Variants in UPF3A observed in about 807,000 individuals in gnomAD.
UPF3A encodes UPF3A regulator of nonsense mediated mRNA decay.
In UPF3A, 42 loss-of-function variants were observed where a neutral mutation model predicts 53.5. The ratio of observed to expected loss-of-function variants is 0.78; its 90% confidence interval spans 0.61 to 1.01. The LOEUF is 1.01. Ranked by LOEUF, UPF3A falls within the 50% of genes least tolerant of loss-of-function variation. The pLI is 0.00. For missense variants in UPF3A, 575 were observed against 598.0 expected (o/e 0.96, Z 0.40); for synonymous variants, 237 against 225.3 (o/e 1.05, Z -0.47).
chr13:114,282,260 TTTCAG>T, intron 2 of UPF3A, 133 bp downstream of exon 2: 1 of 851,260 alleles, frequency 1.2e-6, no homozygotes, highest in Non-Finnish European at 1.8e-6. Context: ...AATAAATACA[TTTCAG>T]TAAAACGTGT....
At chr13:114,294,277 G>GGGT (rs1043959014) in intron 7 of UPF3A, among the ~76,000 whole-genome samples, 3 of 150,782 alleles carry the variant, frequency 2.0e-5, no homozygotes, top group Non-Finnish European at 4.4e-5. Flanking sequence ...TTTTGGTGGG[G>GGGT]GGGGGGTTTG....
intron 3 of UPF3A, chr13:114,283,961 A>G: frequency 3.0e-6 from 3 of 985,438 alleles, no homozygotes; most frequent in South Asian, 4.7e-5. Context: ...AAAAATAAGC[A>G]TTAGCCAAGC....
chr13:114,290,972 T>C (rs1457632606), intron 5 of UPF3A, among the ~76,000 whole-genome samples: 1 of 152,016 alleles, frequency 6.6e-6, no homozygotes, highest in African/African-American at 2.4e-5. Flanking sequence ...CAATCTAAGG[T>C]GATCTGCCCG....
At chr13:114,302,878 G>T (rs889701732) in intron 9 of UPF3A, among the ~76,000 whole-genome samples, 1 of 152,122 alleles carries the variant, frequency 6.6e-6, no homozygotes, top group African/African-American at 2.4e-5. Flanking sequence ...GAGGCGGGTG[G>T]ATCACCTGAG....
At chr13:114,296,737 C>T (rs1319823176) in intron 7 of UPF3A, among the ~76,000 whole-genome samples, 1 of 152,154 alleles carries the variant, frequency 6.6e-6, no homozygotes, top group African/African-American at 2.4e-5. Flanking sequence ...CCCGTGGGTT[C>T]TGGTGCTAAC....
rs1403779574 is a variant in UPF3A, at chr13:114,301,853, G to C, written c.1130G>C (p.Arg377Pro). The stretch of plus-strand genomic sequence containing the variant: ...CACAGAGCTCACCACGAGCCTGAAC[G>C]GCTTTCCAGAAGGAGTGAGGATGAG... Reference protein sequence around the residue: ...RRHRAHHEPERLSRRSEDEQR... With the variant: ...RRHRAHHEPEPLSRRSEDEQR... Residue 377 changes from arginine (R) to proline (P), a missense_variant, in exon 9 of 10, where the codon CGG becomes CCG. Around this residue, in one of 2 missense-constraint regions of UPF3A, gnomAD observed 323 missense variants for 415.2 expected, o/e 0.78. Coordinates refer to ENST00000375299, the MANE Select transcript of UPF3A (RefSeq NM_023011.4). The C allele has an allele frequency of 6.8e-6, 11 of 1,613,188 alleles. No homozygotes were observed. The highest frequency in any genetic ancestry group is 9.3e-6 in the Non-Finnish European group (11 of 1,179,692).
At chr13:114,297,654 T>C (rs1336244101) in intron 7 of UPF3A, among the ~76,000 whole-genome samples, 1 of 151,722 alleles carries the variant, frequency 6.6e-6, no homozygotes, top group African/African-American at 2.4e-5. Context: ...CATGATGAAA[T>C]CCCATCTCTA....
At chr13:114,296,427 A>C (rs2086033431) in intron 7 of UPF3A, among the ~76,000 whole-genome samples, 1 of 152,172 alleles carries the variant, frequency 6.6e-6, no homozygotes, top group Non-Finnish European at 1.5e-5. Context: ...TGGTGAGCAC[A>C]TCAAGGTGCT....
At chr13:114,296,888 G>C (rs1001897509) in intron 7 of UPF3A, among the ~76,000 whole-genome samples, 1 of 152,212 alleles carries the variant, frequency 6.6e-6, no homozygotes, top group Non-Finnish European at 1.5e-5. Context: ...TGGGTGGATG[G>C]AGATTTGCAC....
chr13:114,298,858 A>C lies in UPF3A; in HGVS notation c.865A>C (p.Lys289Gln). The change falls in exon 8 of 10, where the codon AAG becomes CAG. Residue 289 changes from lysine to glutamine, a missense_variant. Physicochemically the swap from Lys to Gln is moderately conservative, Grantham distance 53. Around this residue, in one of 2 missense-constraint regions of UPF3A, gnomAD observed 323 missense variants for 415.2 expected, o/e 0.78. Transcript: ENST00000375299. ...TTCTCAGCTTCTTAAGAAACCAGAA[A>C]AGGGAGAGGAACCAACCACAGAGAA... ...VRIKLLKKPE[K>Q]GEEPTTEKPK... 1 of 1,575,024 alleles carries C rather than the reference A, an allele frequency of 6.3e-7. No homozygotes were observed. Among genetic ancestry groups the C allele is most frequent in the South Asian group, 1.2e-5 (1 of 85,192 alleles).
At chr13:114,289,172 A>C (rs767888144) in intron 5 of UPF3A, among the ~76,000 whole-genome samples, 4 of 152,102 alleles carry the variant, frequency 2.6e-5, no homozygotes, top group Non-Finnish European at 5.9e-5. Context: ...CGATTAATTC[A>C]TTCCAGGACT....
At chr13:114,296,695 AG>A (rs1377394540) in intron 7 of UPF3A, among the ~76,000 whole-genome samples, 1 of 152,148 alleles carries the variant, frequency 6.6e-6, no homozygotes, top group Non-Finnish European at 1.5e-5. Context: ...GTCGTCTGAA[AG>A]GGGGGCAGTC....
rs1295730092 is a variant in UPF3A, at chr13:114,294,597, G to T, written c.846+2805G>T. Among the ~76,000 whole-genome samples the T allele has an allele frequency of 2.0e-5, 3 of 152,292 alleles. 1 individual carries two copies. In the South Asian group the frequency reaches 6.2e-4, roughly 32 times the overall value. On this transcript the variant is annotated intron_variant, in intron 7 of 9. Transcript: ENST00000375299. ...GAAATATGGTTTGGGAGGCCGAGGC[G>T]GGCGTATCACGAGGTCAGGAGATCG... is the stretch of plus-strand genomic sequence containing the variant.
Position 114,298,919 on chromosome 13 carries a change from G to A in UPF3A, c.926G>A (p.Gly309Asp). 1.9e-6 allele frequency: 3 copies of A among 1,608,458 alleles called. No homozygotes were observed. In the South Asian group the frequency reaches 3.3e-5, roughly 18 times the overall value. ...KERGEEIDTG[G>D]GKQESCAPGA... ...AGAGGAGAGGAGATTGATACTGGAGGTGGCAAGCAGGAATCCTGTGCCCCC... is the reference window on the plus strand; with the variant it reads ...AGAGGAGAGGAGATTGATACTGGAGATGGCAAGCAGGAATCCTGTGCCCCC... The change falls in exon 8 of 10, where the codon GGT becomes GAT. Residue 309 changes from glycine (G) to aspartate (D), a missense_variant. By Grantham distance (94) the Gly-to-Asp change is moderately conservative. Coordinates refer to ENST00000375299, the MANE Select transcript of UPF3A (RefSeq NM_023011.4).
intron 7 of UPF3A, among the ~76,000 whole-genome samples, chr13:114,294,907 T>C (rs1010383835): frequency 2.0e-5 from 3 of 149,496 alleles, no homozygotes; most frequent in Non-Finnish European, 4.4e-5. Flanking sequence ...GGTCAGGAGA[T>C]CGAGACCATC....
At chr13:114,293,190 C>T (rs1387460007) in intron 7 of UPF3A, among the ~76,000 whole-genome samples, 1 of 151,556 alleles carries the variant, frequency 6.6e-6, no homozygotes, top group East Asian at 1.9e-4. Flanking sequence ...TTGAGACCAG[C>T]TTGGCCAATA....
At position 114,281,713 on chromosome 13, in the gene UPF3A, A is replaced by C; in HGVS notation, c.74A>C (p.Lys25Thr). 1 of 1,549,960 alleles carries C rather than the reference A, an allele frequency of 6.5e-7. No individual in the cohort carries two copies. The highest frequency in any genetic ancestry group is 8.7e-7 in the Non-Finnish European group (1 of 1,147,568). The change falls in exon 1 of 10, where the codon AAG (lysine) becomes ACG (threonine). Residue 25 changes from lysine to threonine, a missense_variant. Lys to Thr is a moderately conservative substitution (Grantham distance 78). Coordinates refer to ENST00000375299, the MANE Select transcript of UPF3A (RefSeq NM_023011.4). ...GCGCGGGGCCCGAGCGGGAGGGAGA[A>C]GCTGTCGGCCCTAGAAGTGCAGTTC... The part of the protein sequence containing the change: ...VAARGPSGRE[K>T]LSALEVQFHR...
At chr13:114,282,194 T>A in intron 2 of UPF3A, 67 bp downstream of exon 2, 1 of 1,325,620 alleles carries the variant, frequency 7.5e-7, no homozygotes, top group Non-Finnish European at 1.0e-6. Flanking sequence ...GGCCGTCTCG[T>A]TGCCTTACGT....
chr13:114,295,723 G>A (rs867918026), intron 7 of UPF3A, among the ~76,000 whole-genome samples: 4 of 151,998 alleles, frequency 2.6e-5, no homozygotes, highest in South Asian at 2.1e-4. Context: ...CTTGACCACC[G>A]TTGCCTCAGG....
Sources: allele counts gnomAD v4.1 joint callset (sites outside exome capture counted in the v4.1 genomes callset), GRCh38; gene constraint gnomAD v4.1.1; regional missense constraint gnomAD v4.1.1; transcripts MANE v1.5; gene names NCBI Gene and HGNC (gene_info 2026-07-23, HGNC 2026-07-21).